CHD2: variants seen among roughly 807,000 people sequenced by gnomAD.
The protein encoded by CHD2 is chromodomain helicase DNA binding protein 2.
In CHD2, 28 loss-of-function variants were observed where a neutral mutation model predicts 243.9. That is an observed-to-expected ratio of 0.11 (90% CI 0.09 to 0.16). The LOEUF (loss-of-function observed/expected upper bound fraction) is 0.16. CHD2 is among the 10% of genes least tolerant of loss of function. The pLI is 1.00. For synonymous variants in CHD2, 775 were observed against 779.0 expected (o/e 0.99, Z 0.09); for missense variants, 1,386 against 2,209.8 (o/e 0.63, Z 7.47).
chr15:92,930,309 GC>G (rs2053141888), intron 5 of CHD2, among the ~76,000 whole-genome samples: 1 of 152,136 alleles, frequency 6.6e-6, no homozygotes. Context: ...ATGGTGCTAT[GC>G]TTGAATTCTT....
chr15:92,976,898 CAA>C (rs749191067), intron 20 of CHD2, among the ~76,000 whole-genome samples: 11 of 124,476 alleles, frequency 8.8e-5, no homozygotes, highest in Admixed American at 3.3e-4. Context: ...GACCCTGTCT[CAA>C]AAAAAAAAAA....
chr15:92,901,779 A>G, intron 2 of CHD2: 1 of 254,446 alleles, frequency 3.9e-6, no homozygotes, highest in Non-Finnish European at 7.3e-6. Context: ...AGAAAGTTAT[A>G]TGAATGAAAA....
At chr15:92,994,334 G>A (rs989347043) in intron 28 of CHD2, among the ~76,000 whole-genome samples, 1 of 151,818 alleles carries the variant, frequency 6.6e-6, no homozygotes, top group African/African-American at 2.4e-5. Context: ...AATGTTAGCT[G>A]TTATTAAGAA....
chr15:92,978,027 G>T, intron 20 of CHD2: 1 of 580,182 alleles, frequency 1.7e-6, no homozygotes, highest in Non-Finnish European at 3.1e-6. Context: ...CTCTACTCCT[G>T]TTCATGGCAC....
intron 33 of CHD2, among the ~76,000 whole-genome samples, chr15:93,004,176 C>T (rs1233094120): frequency 6.7e-6 from 1 of 149,752 alleles, no homozygotes; most frequent in Non-Finnish European, 1.5e-5. Context: ...TCTTCTGCAA[C>T]CTTTCCTTCA....
At chr15:92,920,156 T>TC (rs1291942179) in intron 2 of CHD2, among the ~76,000 whole-genome samples, 3 of 150,680 alleles carry the variant, frequency 2.0e-5, no homozygotes, top group African/African-American at 7.2e-5. Flanking sequence ...CTTTTTTTTT[T>TC]CCCCAGAAGG....
At chr15:92,967,593 C>CTT in intron 17 of CHD2, 80 bp downstream of exon 17, 8 of 813,370 alleles carry the variant, frequency 9.8e-6, no homozygotes, top group South Asian at 3.5e-5. Flanking sequence ...TATATATATA[C>CTT]TTTTGTTTTT....
chr15:93,007,768 G>T (rs1596454099), intron 34 of CHD2, among the ~76,000 whole-genome samples: 1 of 152,114 alleles, frequency 6.6e-6, no homozygotes. Context: ...CTGGATATTG[G>T]TCCCTAATTT....
At chr15:92,940,861 T>C (rs1414727089) in intron 7 of CHD2, among the ~76,000 whole-genome samples, 1 of 122,486 alleles carries the variant, frequency 8.2e-6, no homozygotes, top group African/African-American at 2.8e-5. Context: ...AATATATAAA[T>C]ATATAAAAAT....
At chr15:92,906,555 A>G (rs1289911283) in intron 2 of CHD2, among the ~76,000 whole-genome samples, 2 of 152,092 alleles carry the variant, frequency 1.3e-5, no homozygotes, top group South Asian at 2.1e-4. Flanking sequence ...GGTATTTCCA[A>G]ACTCCTATCA....
Position 92,956,599 on chromosome 15 carries a change from G to A in CHD2, c.1950G>A (p.Gln650=). 1 of 1,613,976 alleles carries A rather than the reference G, an allele frequency of 6.2e-7. No homozygotes were observed. The highest frequency in any genetic ancestry group is 8.5e-7 in the Non-Finnish European group (1 of 1,179,930). ...TCCTGATTACGGGGACCCCTCTTCA[G>A]AATTCCCTCAAAGAGCTCTGGTCCT... is the stretch of plus-strand genomic sequence containing the variant. ...HRLLITGTPL[Q]NSLKELWSLL... Residue 650 remains glutamine (Q), a synonymous_variant, in exon 16 of 39, where the codon CAG becomes CAA. Transcript: ENST00000394196.
At chr15:92,915,533 A>G (rs2052818230) in intron 2 of CHD2, among the ~76,000 whole-genome samples, 1 of 152,110 alleles carries the variant, frequency 6.6e-6, no homozygotes, top group Non-Finnish European at 1.5e-5. Flanking sequence ...GGCCTCCCAA[A>G]GTGCTGGGAT....
chr15:92,918,939 A>C (rs568722773), intron 2 of CHD2, among the ~76,000 whole-genome samples: 1 of 148,598 alleles, frequency 6.7e-6, no homozygotes, highest in African/African-American at 2.5e-5. Flanking sequence ...GCTCACTGAA[A>C]CGTCCACCTC....
At chr15:92,943,708 A>G (rs1337029305) in intron 9 of CHD2, 18 of 154,440 alleles carry the variant, frequency 1.2e-4, no homozygotes, top group Admixed American at 1.1e-3. Flanking sequence ...CTGGGTAATA[A>G]TGGTATCAAG....
rs1047086895 is a variant in CHD2, at chr15:92,997,770, C to G, written c.3885+367C>G. 1 of 162,836 alleles carries G rather than the reference C, an allele frequency of 6.1e-6. No homozygotes were observed. Among genetic ancestry groups the G allele is most frequent in the Non-Finnish European group, 1.3e-5 (1 of 74,836 alleles). 10.1% of individuals were successfully genotyped at this position (162,836 alleles called of 1,614,324 possible). ...CATTTGAAACAACCATATTTCACTTCCTCACGTAAAGATTGAATGTCACCT... is the reference window on the plus strand; with the variant it reads ...CATTTGAAACAACCATATTTCACTTGCTCACGTAAAGATTGAATGTCACCT... On this transcript the variant is annotated intron_variant, in intron 30 of 38. Transcript: ENST00000394196. The surrounding 1 kb of genome is among the most constrained non-coding windows in gnomAD (Gnocchi z 4.1).
rs1267032045 is a variant in CHD2, at chr15:92,998,762, T to C, written c.4008+141T>C. The C allele has an allele frequency of 1.8e-6, 2 of 1,084,982 alleles. No individual in the cohort carries two copies. Among genetic ancestry groups the C allele is most frequent in the African/African-American group, 1.6e-5 (1 of 63,292 alleles). The allele number at this position is 1,084,982 out of a possible 1,614,324, so 67.2% of individuals were successfully genotyped here. A position where few individuals can be genotyped will look rare whatever the true frequency, so the allele number is the denominator to read the frequency against. On this transcript the variant is annotated intron_variant, in intron 31 of 38. Coordinates refer to ENST00000394196, the MANE Select transcript of CHD2 (RefSeq NM_001271.4). The surrounding 1 kb of genome is among the most constrained non-coding windows in gnomAD (Gnocchi z 5.1). Reference sequence around the variant, plus strand: ...GCATATTTTGTTTTTGAGGTTCCAGTAATGATGCTTTGCTTGGTAATAATA... The same window carrying C: ...GCATATTTTGTTTTTGAGGTTCCAGCAATGATGCTTTGCTTGGTAATAATA...
At chr15:92,906,664 CTTTTTT>C (rs66638937) in intron 2 of CHD2, among the ~76,000 whole-genome samples, 1 of 128,856 alleles carries the variant, frequency 7.8e-6, no homozygotes. Flanking sequence ...TATGAGCCAT[CTTTTTT>C]TTTTTTTTTT....
Position 93,004,762 on chromosome 15 carries a change from A to C in CHD2, c.4413+11A>C, listed in dbSNP as rs757863074. 6.2e-7 allele frequency: 1 copy of C among 1,609,378 alleles called. No individual in the cohort carries two copies. Among genetic ancestry groups the C allele is most frequent in the East Asian group, 2.2e-5 (1 of 44,802 alleles). ...GAGACATTCAGCATAGTAAGTCTTG[A>C]AATCGGGGGGTGCCAGTGTCTGCAG... is the stretch of plus-strand genomic sequence containing the variant. On this transcript the variant is annotated intron_variant, in intron 34 of 38. Transcript: ENST00000394196.
At chr15:92,905,191 T>A (rs2052597664) in intron 2 of CHD2, among the ~76,000 whole-genome samples, 1 of 152,198 alleles carries the variant, frequency 6.6e-6, no homozygotes, top group South Asian at 2.1e-4. Flanking sequence ...TAATGCAGGG[T>A]GACTGACAGC....
Sources: gnomAD v4.1 joint callset for allele counts (sites outside exome capture counted in the v4.1 genomes callset) on GRCh38, gnomAD v4.1.1 for gene constraint, Gnocchi (gnomAD v3.1) non-coding constraint, MANE v1.5 for transcripts, NCBI Gene and HGNC (gene_info 2026-07-23, HGNC 2026-07-21) for gene names.